Variants in PIGN observed in about 807,000 individuals in gnomAD.
PIGN encodes the protein phosphatidylinositol glycan anchor biosynthesis class N, also known as GPI ethanolamine phosphate transferase 1.
Under a neutral mutation model 125.4 loss-of-function variants are expected in PIGN, and 117 were observed. The ratio of observed to expected loss-of-function variants is 0.93; its 90% CI spans 0.80 to 1.09. The LOEUF is 1.09. Ranked by LOEUF, PIGN falls within the 50% of genes least tolerant of loss-of-function variation. PIGN has a pLI of 0.00. For synonymous variants in PIGN, 392 were observed against 377.8 expected, an observed-to-expected ratio of 1.04 and a Z score of -0.44; for missense variants, 1,075 against 1,094.9, an observed-to-expected ratio of 0.98 and a Z score of 0.26.
At position 62,154,669 on chromosome 18, in the gene PIGN, A is replaced by C; in HGVS notation, c.443-18T>G. 9.1e-7 allele frequency: 1 copy of C among 1,101,848 alleles called. No homozygotes were observed. The highest frequency in any genetic ancestry group is 1.4e-6 in the Non-Finnish European group (1 of 726,888). The allele number at this position is 1,101,848 out of a possible 1,614,324, so 68.3% of individuals were successfully genotyped here. A position where few individuals can be genotyped will look rare whatever the true frequency, so the allele number is the denominator to read the frequency against. ...ACTAGCACCTGAAAAGAAAATTTGG[A>C]AAAAATAATCTTTTTACAAAATCTT... On this transcript the variant is annotated intron_variant, in intron 6 of 30. Transcript: ENST00000640252.
At chr18:62,050,491 GCT>G (rs983085735) in intron 30 of PIGN, among the ~76,000 whole-genome samples, 188 of 151,828 alleles carry the variant, frequency 1.2e-3, no homozygotes, top group Middle Eastern at 3.4e-3. Flanking sequence ...TCATGATTTG[GCT>G]CTCTGTTTGT....
chr18:62,053,660 T>G (rs540447825), intron 30 of PIGN, among the ~76,000 whole-genome samples: 1 of 152,138 alleles, frequency 6.6e-6, no homozygotes, highest in Non-Finnish European at 1.5e-5. Context: ...GCAAACAGAC[T>G]TCAGAGCAAA....
At chr18:62,179,296 T>C (rs1234229692) in intron 1 of PIGN, among the ~76,000 whole-genome samples, 3 of 152,206 alleles carry the variant, frequency 2.0e-5, no homozygotes, top group Admixed American at 1.3e-4. Flanking sequence ...CCCCATTTCA[T>C]ACTATAGTTT....
chr18:62,185,116 T>C (rs2037849604), intron 1 of PIGN, among the ~76,000 whole-genome samples: 1 of 152,230 alleles, frequency 6.6e-6, no homozygotes, highest in Non-Finnish European at 1.5e-5. Context: ...GATGGAAATA[T>C]TGTATATAAA....
At chr18:62,056,822 C>T (rs1476923198) in intron 30 of PIGN, 2 of 152,326 alleles carry the variant, frequency 1.3e-5, no homozygotes, top group African/African-American at 4.8e-5. Flanking sequence ...GCATCGCTGG[C>T]ATTACTGCCT....
chr18:62,151,404 GGTATGTGC>G (rs2036531248), intron 7 of PIGN, among the ~76,000 whole-genome samples: 1 of 152,142 alleles, frequency 6.6e-6, no homozygotes, highest in Non-Finnish European at 1.5e-5. Flanking sequence ...CAACTTCTCA[GGTATGTGC>G]ATTAATAGAC....
chr18:62,096,895 T>G (rs576798371), intron 22 of PIGN, among the ~76,000 whole-genome samples: 8 of 149,032 alleles, frequency 5.4e-5, no homozygotes, highest in Non-Finnish European at 8.9e-5. Context: ...TATTCCATGG[T>G]GTATATGTGC....
chr18:62,140,426 G>A lies in PIGN; in HGVS notation c.1017C>T (p.Asn339=), dbSNP rs1199651781. The stretch of plus-strand genomic sequence containing the variant: ...ATAAAATTTTATTCCTTACCACTGA[G>A]TTAAGAGGAAAGGGAACTCCAATAA... ...TSLIGVPFPL[N]SVGILPVDYL... is the part of the protein sequence containing the mutation. Residue 339 remains asparagine, a synonymous_variant, in exon 12 of 31, where the codon AAC becomes AAT. Transcript: ENST00000640252. 1 of 1,476,188 alleles carries A rather than the reference G, an allele frequency of 6.8e-7. No individual in the cohort carries two copies. Among genetic ancestry groups the A allele is most frequent in the Non-Finnish European group, 9.3e-7 (1 of 1,070,378 alleles). The allele number at this position is 1,476,188 out of a possible 1,614,324, so 91.4% of individuals were successfully genotyped here.
chr18:62,020,805 A>AG (rs1410215410), intron 23 of PIGN, among the ~76,000 whole-genome samples: 1 of 151,516 alleles, frequency 6.6e-6, no homozygotes, highest in Non-Finnish European at 1.5e-5. Context: ...TAAAAAAAAA[A>AG]AAAAAATTAG....
At chr18:62,062,656 T>C (rs996124381) in intron 30 of PIGN, among the ~76,000 whole-genome samples, 8 of 152,070 alleles carry the variant, frequency 5.3e-5, no homozygotes, top group African/African-American at 1.9e-4. Flanking sequence ...AAAAATATTA[T>C]CACGAAATAT....
chr18:62,058,608 A>T (rs773461274), intron 30 of PIGN, among the ~76,000 whole-genome samples: 12 of 152,266 alleles, frequency 7.9e-5, no homozygotes, highest in Non-Finnish European at 1.8e-4. Context: ...GTCTGCACAT[A>T]AATTAAAGCT....
In PIGN at chr18:62,025,199, G is replaced by T. The variant is rs531464217; in HGVS notation, c.2143-7458C>A. Among the ~76,000 whole-genome samples the T allele has an allele frequency of 5.3e-5, 8 of 152,248 alleles. No homozygotes were observed. In the South Asian group the frequency reaches 1.2e-3, roughly 24 times the overall value. ...AATTCTTTTACTCATATATGTATTT[G>T]CTACACCTGTATGGTATTTGATACC... On this transcript the variant is annotated intron_variant, in intron 23 of 24. Transcript: ENST00000639600.
chr18:62,079,540 C>G (rs2033346566), intron 28 of PIGN, among the ~76,000 whole-genome samples: 3 of 151,900 alleles, frequency 2.0e-5, no homozygotes, highest in Admixed American at 1.3e-4. Context: ...AAAAATCTGA[C>G]CCAGGAAAAA....
intron 22 of PIGN, among the ~76,000 whole-genome samples, chr18:62,099,501 C>CT (rs992310719): frequency 8.2e-5 from 11 of 134,942 alleles, no homozygotes; most frequent in East Asian, 3.0e-4. Context: ...CAATCTTAAG[C>CT]TTTTAAAAAA....
chr18:62,099,771 A>G (rs1261511530), intron 22 of PIGN, among the ~76,000 whole-genome samples: 1 of 152,166 alleles, frequency 6.6e-6, no homozygotes, highest in Non-Finnish European at 1.5e-5. Flanking sequence ...TTTCAAAACA[A>G]TAAAACAAGA....
At chr18:62,083,622 TCTTGCTTG>T (rs746331738) in intron 27 of PIGN, among the ~76,000 whole-genome samples, 12 of 152,028 alleles carry the variant, frequency 7.9e-5, no homozygotes, top group Admixed American at 4.6e-4. Flanking sequence ...TGTCTTTCTT[TCTTGCTTG>T]CTTGCTTGCT....
intron 30 of PIGN, among the ~76,000 whole-genome samples, chr18:62,065,529 A>G (rs955212029): frequency 2.2e-4 from 33 of 151,936 alleles, no homozygotes; most frequent in Non-Finnish European, 2.8e-4. Flanking sequence ...ACGAGGTCAG[A>G]ATATCGAGAC....
At chr18:62,053,854 A>T (rs902809602) in intron 30 of PIGN, among the ~76,000 whole-genome samples, 1 of 152,198 alleles carries the variant, frequency 6.6e-6, no homozygotes, top group African/African-American at 2.4e-5. Flanking sequence ...TGGGCCATAA[A>T]ACAAACCTCA....
At chr18:62,033,075 G>C (rs28446015) in intron 23 of PIGN, among the ~76,000 whole-genome samples, 45 of 152,342 alleles carry the variant, frequency 3.0e-4, no homozygotes, top group African/African-American at 1.1e-3. Context: ...ACGCAGCCAA[G>C]GGGACCTGCA....
Sources: gnomAD v4.1 joint callset for allele counts (sites outside exome capture counted in the v4.1 genomes callset) on GRCh38, gnomAD v4.1.1 for gene constraint, MANE v1.5 for transcripts, NCBI Gene and HGNC (gene_info 2026-07-23, HGNC 2026-07-21) for gene names.